The following LDB2 variants were observed in gnomAD, a reference collection of about 807,000 sequenced individuals.
LDB2 encodes LIM domain-binding protein 2.
Under a neutral mutation model 44.3 loss-of-function variants are expected in LDB2, and 12 were observed. The ratio of observed to expected loss-of-function variants is 0.27; its 90% CI spans 0.17 to 0.44. The LOEUF (loss-of-function observed/expected upper bound fraction) is 0.44. Among genes scored for constraint, LDB2 ranks in the 20% least tolerant of loss-of-function variants. The probability of loss-of-function intolerance (pLI) is 1.00; values close to 1 mark genes in which losing one functional copy is unlikely to be tolerated. For synonymous variants in LDB2, 164 were observed against 174.8 expected (o/e 0.94, Z 0.49); for missense variants, 344 against 473.5 (o/e 0.73, Z 2.54).
intron 3 of LDB2, among the ~76,000 whole-genome samples, chr4:16,591,394 G>A (rs1388611047): frequency 2.6e-5 from 4 of 152,172 alleles, no homozygotes; most frequent in Non-Finnish European, 5.9e-5. Context: ...GCCTACAAAT[G>A]GAAAATTGCA....
intron 7 of LDB2, chr4:16,505,721 C>T (rs1719144326): frequency 1.1e-6 from 1 of 912,232 alleles, no homozygotes; most frequent in Non-Finnish European, 1.6e-6. Context: ...TGAGAGAGGT[C>T]CATATGCCCT....
chr4:16,729,483 C>A (rs1184781293), intron 2 of LDB2, among the ~76,000 whole-genome samples: 1 of 152,050 alleles, frequency 6.6e-6, no homozygotes, highest in African/African-American at 2.4e-5. Flanking sequence ...ACCGGCTCAG[C>A]CAGAGAGCAG....
At chr4:16,843,488 G>T (rs150037728) in intron 1 of LDB2, among the ~76,000 whole-genome samples, 3 of 152,236 alleles carry the variant, frequency 2.0e-5, no homozygotes, top group Non-Finnish European at 4.4e-5. Flanking sequence ...GAATGCAAGT[G>T]TATACATAGT....
At chr4:16,653,351 A>G (rs957388369) in intron 2 of LDB2, among the ~76,000 whole-genome samples, 5 of 152,240 alleles carry the variant, frequency 3.3e-5, no homozygotes, top group African/African-American at 9.6e-5. Context: ...TGAGTTTTAC[A>G]TGTGGCAATA....
intron 7 of LDB2, chr4:16,507,090 CT>C (rs1164511768): frequency 6.6e-6 from 1 of 152,032 alleles, no homozygotes; most frequent in Non-Finnish European, 1.5e-5. Context: ...CTTTATTTCC[CT>C]CTTTTGGCTT....
intron 7 of LDB2, among the ~76,000 whole-genome samples, chr4:16,505,158 T>G (rs1291873629): frequency 1.3e-5 from 2 of 152,188 alleles, no homozygotes; most frequent in Admixed American, 6.5e-5. Flanking sequence ...ATGAACATAG[T>G]GGTTTGAATC....
chr4:16,631,147 C>T (rs1349849881), intron 2 of LDB2, among the ~76,000 whole-genome samples: 1 of 152,206 alleles, frequency 6.6e-6, no homozygotes, highest in Non-Finnish European at 1.5e-5. Flanking sequence ...CTCAGCACCA[C>T]ATCACACTTA....
At chr4:16,756,669 T>C (rs1458878176) in intron 2 of LDB2, among the ~76,000 whole-genome samples, 1 of 152,176 alleles carries the variant, frequency 6.6e-6, no homozygotes, top group African/African-American at 2.4e-5. Context: ...TTGAGCTACC[T>C]ATTATGTATG....
intron 1 of LDB2, among the ~76,000 whole-genome samples, chr4:16,865,590 T>C (rs2110300407): frequency 6.6e-6 from 1 of 152,224 alleles, no homozygotes; most frequent in African/African-American, 2.4e-5. Flanking sequence ...CCATGTCCCT[T>C]TCTGTGGAGA....
intron 1 of LDB2, among the ~76,000 whole-genome samples, chr4:16,808,750 T>A (rs1005084743): frequency 6.6e-6 from 1 of 152,208 alleles, no homozygotes; most frequent in Non-Finnish European, 1.5e-5. Flanking sequence ...ACAGATGGAC[T>A]GTTTTCCACA....
chr4:16,839,563 C>T (rs1785495179), intron 1 of LDB2, among the ~76,000 whole-genome samples: 1 of 152,140 alleles, frequency 6.6e-6, no homozygotes, highest in African/African-American at 2.4e-5. Flanking sequence ...GGTGATGATC[C>T]TCATTCTACG....
chr4:16,868,420 C>T (rs879302953), intron 1 of LDB2, among the ~76,000 whole-genome samples: 4 of 152,286 alleles, frequency 2.6e-5, no homozygotes, highest in Admixed American at 6.5e-5. Context: ...AAATGCACAG[C>T]AAATACTATT....
chr4:16,572,087 T>G (rs1746747942), intron 5 of LDB2, among the ~76,000 whole-genome samples: 1 of 152,158 alleles, frequency 6.6e-6, no homozygotes, highest in Non-Finnish European at 1.5e-5. Context: ...GAGAAGGGTG[T>G]TGACTGAGTT....
At chr4:16,874,035 T>G (rs1252763404) in intron 1 of LDB2, among the ~76,000 whole-genome samples, 1 of 152,160 alleles carries the variant, frequency 6.6e-6, no homozygotes, top group Admixed American at 6.5e-5. Context: ...TCACATTTTG[T>G]TTATCCAGTC....
At chr4:16,656,180 G>A (rs967988947) in intron 2 of LDB2, among the ~76,000 whole-genome samples, 1 of 152,136 alleles carries the variant, frequency 6.6e-6, no homozygotes, top group East Asian at 1.9e-4. Context: ...GATTACAGGC[G>A]TGAGCCACCG....
At chr4:16,697,266 T>TACACACACACACACACACACACACACAC (rs57040700) in intron 2 of LDB2, among the ~76,000 whole-genome samples, 5 of 130,682 alleles carry the variant, frequency 3.8e-5, no homozygotes, top group African/African-American at 1.2e-4. Context: ...CTACTAAAAA[T>TACACACACACACACACACACACACACAC]ACACACACAC....
At chr4:16,540,434 T>C (rs1733384084) in intron 5 of LDB2, among the ~76,000 whole-genome samples, 1 of 152,208 alleles carries the variant, frequency 6.6e-6, no homozygotes, top group African/African-American at 2.4e-5. Flanking sequence ...TGCGGTCTTA[T>C]CTTTACTCCA....
chr4:16,716,924 G>A (rs776763875), intron 2 of LDB2, among the ~76,000 whole-genome samples: 5 of 152,004 alleles, frequency 3.3e-5, no homozygotes, highest in Non-Finnish European at 7.4e-5. Flanking sequence ...TGATTTAGTG[G>A]ATATGGTGGT....
chr4:16,708,365 G>C (rs1755090178), intron 2 of LDB2, among the ~76,000 whole-genome samples: 1 of 151,816 alleles, frequency 6.6e-6, no homozygotes, highest in African/African-American at 2.4e-5. Flanking sequence ...CACACACACA[G>C]AGAACCCCCA....
Sources: gnomAD v4.1 joint callset for allele counts (sites outside exome capture counted in the v4.1 genomes callset) on GRCh38, gnomAD v4.1.1 for gene constraint, MANE v1.5 for transcripts, NCBI Gene and HGNC (gene_info 2026-07-23, HGNC 2026-07-21) for gene names.